Variants in BAIAP2 observed in about 807,000 individuals in gnomAD.
BAIAP2 encodes BAR/IMD domain containing adaptor protein 2.
BAIAP2 carries 18 observed loss-of-function variants against 63.0 expected under a neutral mutation model. The observed-to-expected ratio is 0.29, with a 90% CI of 0.20 to 0.42. The LOEUF (loss-of-function observed/expected upper bound fraction) is 0.42. Ranked by LOEUF, BAIAP2 falls within the 10% of genes least tolerant of loss-of-function variation. The pLI is 1.00. For missense variants in BAIAP2, 610 were observed against 734.3 expected, an observed-to-expected ratio of 0.83 and a Z score of 1.96; for synonymous variants, 386 against 307.6, an observed-to-expected ratio of 1.25 and a Z score of -2.67.
intron 3 of BAIAP2, among the ~76,000 whole-genome samples, chr17:81,079,837 T>G (rs2054294536): frequency 6.6e-6 from 1 of 151,930 alleles, no homozygotes; most frequent in Non-Finnish European, 1.5e-5. Flanking sequence ...TCCCAGTGAG[T>G]GGGGGGCATC....
intron 6 of BAIAP2, among the ~76,000 whole-genome samples, chr17:81,092,692 A>G (rs539542960): frequency 2.0e-5 from 3 of 152,280 alleles, no homozygotes; most frequent in African/African-American, 7.2e-5. Flanking sequence ...GGCCCGGAGC[A>G]CCGCCCTGAC....
chr17:81,104,986 TC>T (rs1216588008), intron 10 of BAIAP2: 1 of 385,914 alleles, frequency 2.6e-6, no homozygotes, highest in Non-Finnish European at 4.8e-6. Context: ...AGCAGGGATC[TC>T]CCCCCAACGG....
At chr17:81,082,334 C>A (rs1044947604) in intron 3 of BAIAP2, among the ~76,000 whole-genome samples, 1 of 152,152 alleles carries the variant, frequency 6.6e-6, no homozygotes, top group Non-Finnish European at 1.5e-5. Flanking sequence ...ATATGTGATA[C>A]CTCCCCGGGG....
At chr17:81,063,007 C>T (rs1210666665) in intron 3 of BAIAP2, among the ~76,000 whole-genome samples, 1 of 145,874 alleles carries the variant, frequency 6.9e-6, no homozygotes, top group East Asian at 2.1e-4. Flanking sequence ...GGTGGCAGGT[C>T]CTGAGAGGCT....
At chr17:81,051,380 TTTTG>T (rs1266823777) in intron 1 of BAIAP2, among the ~76,000 whole-genome samples, 2 of 152,276 alleles carry the variant, frequency 1.3e-5, no homozygotes, top group African/African-American at 4.8e-5. Context: ...GGATCTTCTC[TTTTG>T]TTTGTTTTGT....
At chr17:81,037,610 C>G (rs1177566389) in intron 1 of BAIAP2, among the ~76,000 whole-genome samples, 1 of 152,232 alleles carries the variant, frequency 6.6e-6, no homozygotes, top group South Asian at 2.1e-4. Flanking sequence ...CAGTGCTGAG[C>G]TCTGTCCTCT....
At chr17:81,036,244 C>G (rs2046244444) in intron 1 of BAIAP2, among the ~76,000 whole-genome samples, 1 of 152,202 alleles carries the variant, frequency 6.6e-6, no homozygotes, top group Non-Finnish European at 1.5e-5. Flanking sequence ...GAGGAGAAAC[C>G]CCTGCTCTGG....
chr17:81,054,514 G>C (rs1164652696), intron 2 of BAIAP2, among the ~76,000 whole-genome samples: 1 of 152,194 alleles, frequency 6.6e-6, no homozygotes, highest in Admixed American at 6.5e-5. Context: ...GCACGCCCCT[G>C]CCTGTGCGGG....
intron 6 of BAIAP2, among the ~76,000 whole-genome samples, chr17:81,090,041 T>C (rs1399110314): frequency 6.6e-6 from 1 of 152,124 alleles, no homozygotes; most frequent in African/African-American, 2.4e-5. Flanking sequence ...CTGAGCAGCC[T>C]CCTTTCTCTA....
chr17:81,049,141 A>C (rs912461189), intron 1 of BAIAP2, among the ~76,000 whole-genome samples: 2 of 152,238 alleles, frequency 1.3e-5, no homozygotes, highest in African/African-American at 2.4e-5. Context: ...AGAGCTCTGC[A>C]CGCGCCGGGC....
chr17:81,092,682 G>T (rs553978546), intron 6 of BAIAP2, among the ~76,000 whole-genome samples: 2 of 152,236 alleles, frequency 1.3e-5, no homozygotes, highest in African/African-American at 2.4e-5. Context: ...TAAGGGGCCC[G>T]GCCCGGAGCA....
At position 81,108,907 on chromosome 17, in the gene BAIAP2, C is replaced by T. The variant is rs566878916; in HGVS notation, c.1535+398C>T. ...GGGCATTGCTCGGTGCTGGCGGACT[C>T]GCCGCCTGTGGCTGGGCAGCGTCGT... On this transcript the variant is annotated intron_variant, in intron 13 of 13. Transcript: ENST00000428708. 2.1e-4 allele frequency: 324 copies of T among 1,527,488 alleles called. No homozygotes were observed. In the African/African-American group the frequency reaches 3.9e-3, roughly 19 times the overall value. 94.6% of individuals were successfully genotyped at this position (1,527,488 alleles called of 1,614,324 possible).
intron 1 of BAIAP2, among the ~76,000 whole-genome samples, chr17:81,043,124 C>T (rs1027752194): frequency 2.0e-5 from 3 of 152,154 alleles, no homozygotes; most frequent in African/African-American, 7.2e-5. Context: ...ACCTCGGCCT[C>T]CCAGAGTGCT....
At chr17:81,065,117 C>T (rs1598601598) in intron 3 of BAIAP2, among the ~76,000 whole-genome samples, 1 of 152,228 alleles carries the variant, frequency 6.6e-6, no homozygotes, top group South Asian at 2.1e-4. Flanking sequence ...GCTCCTCATC[C>T]TCTTGGGCTT....
At chr17:81,095,027 G>T (rs1555676272) in intron 6 of BAIAP2, among the ~76,000 whole-genome samples, 1 of 152,270 alleles carries the variant, frequency 6.6e-6, no homozygotes, top group Non-Finnish European at 1.5e-5. Context: ...GGAGAGATGT[G>T]TTCTGATCAC....
At chr17:81,109,343 G>T in intron 13 of BAIAP2, 1 of 1,073,618 alleles carries the variant, frequency 9.3e-7, no homozygotes, top group Non-Finnish European at 1.1e-6. Flanking sequence ...CGTGAGCCAG[G>T]TCTAAAGTTT....
intron 3 of BAIAP2, among the ~76,000 whole-genome samples, chr17:81,060,910 G>A (rs1040824514): frequency 6.6e-6 from 1 of 152,038 alleles, no homozygotes; most frequent in African/African-American, 2.4e-5. Flanking sequence ...ATTGCCTGAG[G>A]TCAGGAGTTC....
Position 81,115,871 on chromosome 17 carries a change from G to T in BAIAP2, c.*32G>T, listed in dbSNP as rs2060497930. 2 of 1,611,518 alleles carry T rather than the reference G, an allele frequency of 1.2e-6. No homozygotes were observed. Among genetic ancestry groups the T allele is most frequent in the African/African-American group, 2.7e-5 (2 of 74,922 alleles). ...CATCTGCAGTGCTGCCCATCTGGTG[G>T]CTTCCCCCGCCCTTCCCATGTAGCC... On this transcript the variant is annotated 3_prime_UTR_variant, in exon 14 of 14. Transcript: ENST00000428708.
At chr17:81,103,866 G>T (rs764796647) in intron 8 of BAIAP2, 41 bp from the exon 9 acceptor site, 1 of 1,608,560 alleles carries the variant, frequency 6.2e-7, no homozygotes, top group East Asian at 2.2e-5. Context: ...CTTGCCCGGG[G>T]TGGGCTCCAG....
Sources: allele counts gnomAD v4.1 joint callset (sites outside exome capture counted in the v4.1 genomes callset), GRCh38; gene constraint gnomAD v4.1.1; transcripts MANE v1.5; gene names NCBI Gene and HGNC (gene_info 2026-07-23, HGNC 2026-07-21).